DLC1: variants seen among roughly 807,000 people sequenced by gnomAD.
DLC1 encodes the protein DLC1 Rho GTPase activating protein, also known as rho GTPase-activating protein 7.
Under a neutral mutation model 140.3 loss-of-function variants are expected in DLC1, and 54 were observed. The observed-to-expected ratio is 0.38, with a 90% confidence interval of 0.31 to 0.48. The LOEUF (loss-of-function observed/expected upper bound fraction) is 0.48, where lower values mean the gene tolerates loss of function less well. Ranked by LOEUF, DLC1 falls within the 20% of genes least tolerant of loss-of-function variation. DLC1 has a pLI of 0.96. For missense variants in DLC1, 2,536 were observed against 1,907.0 expected, an observed-to-expected ratio of 1.33 and a Z score of -6.14; for synonymous variants, 986 against 728.1, an observed-to-expected ratio of 1.35 and a Z score of -5.70.
At chr8:13,086,259 AC>A in intron 17 of DLC1, 30 bp downstream of exon 17, 1 of 1,601,114 alleles carries the variant, frequency 6.2e-7, no homozygotes. Flanking sequence ...CATGACCCTC[AC>A]CATATAAAAA....
intron 1 of DLC1, among the ~76,000 whole-genome samples, chr8:13,526,036 G>A (rs1802913132): frequency 6.6e-6 from 1 of 152,034 alleles, no homozygotes; most frequent in South Asian, 2.1e-4. Flanking sequence ...TTCTTTTTAA[G>A]TATGGACATG....
At chr8:13,339,790 A>G (rs992286775) in intron 4 of DLC1, 3 of 152,204 alleles carry the variant, frequency 2.0e-5, no homozygotes, top group Non-Finnish European at 2.9e-5. Context: ...GCCTATAGCA[A>G]TTAGATAGTT....
At chr8:13,204,405 T>C (rs1422066535) in intron 5 of DLC1, among the ~76,000 whole-genome samples, 1 of 152,224 alleles carries the variant, frequency 6.6e-6, no homozygotes, top group Non-Finnish European at 1.5e-5. Context: ...TTAAGTACAC[T>C]ATTTCCCTTA....
At chr8:13,260,240 A>C (rs780441461) in intron 5 of DLC1, among the ~76,000 whole-genome samples, 1 of 152,246 alleles carries the variant, frequency 6.6e-6, no homozygotes, top group Non-Finnish European at 1.5e-5. Context: ...TGAAGAGGGC[A>C]GTGGAATGAA....
chr8:13,479,294 A>T (rs980281988), intron 2 of DLC1, among the ~76,000 whole-genome samples: 1 of 152,228 alleles, frequency 6.6e-6, no homozygotes, highest in Non-Finnish European at 1.5e-5. Flanking sequence ...AATAAAATGG[A>T]TATATCTGAA....
intron 3 of DLC1, 124 bp downstream of exon 3, chr8:13,401,346 G>A (rs1409052016): frequency 1.6e-6 from 2 of 1,234,324 alleles, no homozygotes; most frequent in Non-Finnish European, 2.2e-6. Context: ...TATCTTTATG[G>A]TACTGTACTG....
intron 1 of DLC1, among the ~76,000 whole-genome samples, chr8:13,530,924 C>T (rs1803074903): frequency 1.3e-5 from 2 of 152,188 alleles, no homozygotes; most frequent in Admixed American, 6.5e-5. Flanking sequence ...CTGCAAACTT[C>T]ACATGCTGAA....
At chr8:13,453,464 A>G (rs866194530) in intron 2 of DLC1, among the ~76,000 whole-genome samples, 1 of 31,810 alleles carries the variant, frequency 3.1e-5, no homozygotes, top group South Asian at 1.1e-3. Context: ...ATATATGTAT[A>G]TATATACATA....
chr8:13,484,697 A>G (rs954067927), intron 2 of DLC1, among the ~76,000 whole-genome samples: 3 of 152,064 alleles, frequency 2.0e-5, no homozygotes, highest in Non-Finnish European at 4.4e-5. Flanking sequence ...CAGAGTGGCA[A>G]TGAAATTCTG....
At chr8:13,328,735 A>G (rs981001523) in intron 4 of DLC1, among the ~76,000 whole-genome samples, 1 of 152,130 alleles carries the variant, frequency 6.6e-6, no homozygotes, top group African/African-American at 2.4e-5. Flanking sequence ...CAAGGGCCCA[A>G]TTCAGGAGGA....
intron 4 of DLC1, chr8:13,342,880 T>A (rs1834140664): frequency 6.6e-6 from 1 of 151,872 alleles, no homozygotes; most frequent in Non-Finnish European, 1.5e-5. Context: ...CATATCCATT[T>A]GTTTTGTTTC....
At position 13,595,651 on chromosome 8, in the gene DLC1, G is replaced by T. The variant is rs546542321; in HGVS notation, c.-126+8886C>A. On this transcript the variant is annotated intron_variant, in intron 1 of 1. Coordinates refer to the DLC1 transcript ENST00000631382. ...TTGAGTCTGGGTGAAAGATATGCTG[G>T]TAACTACTAGAGATACATATTTAAA... 7.9e-4 allele frequency among the ~76,000 whole-genome samples: 120 copies of T among 152,066 alleles called. 1 individual carries two copies. The highest frequency in any genetic ancestry group is 2.8e-3 in the African/African-American group (118 of 41,512).
chr8:13,506,775 T>G (rs543568014), intron 1 of DLC1, among the ~76,000 whole-genome samples: 1 of 151,764 alleles, frequency 6.6e-6, no homozygotes, highest in Non-Finnish European at 1.5e-5. Context: ...TCATGTTAAT[T>G]AAACGCAACT....
chr8:13,415,090 G>A (rs1266456046), intron 2 of DLC1, among the ~76,000 whole-genome samples: 1 of 152,116 alleles, frequency 6.6e-6, no homozygotes, highest in African/African-American at 2.4e-5. Context: ...GGGATTATGG[G>A]CGTGAGCCAC....
chr8:13,283,119 A>G (rs907218351), intron 5 of DLC1, among the ~76,000 whole-genome samples: 1 of 152,192 alleles, frequency 6.6e-6, no homozygotes, highest in Non-Finnish European at 1.5e-5. Flanking sequence ...CCAAACAGGA[A>G]CCCAAATATT....
intron 5 of DLC1, among the ~76,000 whole-genome samples, chr8:13,177,842 T>G (rs191817833): frequency 6.6e-6 from 1 of 152,308 alleles, no homozygotes; most frequent in African/African-American, 2.4e-5. Flanking sequence ...ATTTAATATT[T>G]GGATAATAGA....
chr8:13,115,440 T>G (rs1820466529), intron 6 of DLC1, 146 bp downstream of exon 6: 1 of 724,698 alleles, frequency 1.4e-6, no homozygotes, highest in Non-Finnish European at 2.1e-6. Context: ...TTTTCAGCGG[T>G]GGGGGTCTTG....
At chr8:13,463,828 C>T (rs1441252212) in intron 2 of DLC1, among the ~76,000 whole-genome samples, 2 of 151,930 alleles carry the variant, frequency 1.3e-5, no homozygotes, top group East Asian at 1.9e-4. Context: ...GAAAGAGGAC[C>T]ATCTGGGGAG....
chr8:13,435,980 G>T (rs1839106714), intron 2 of DLC1, among the ~76,000 whole-genome samples: 1 of 152,204 alleles, frequency 6.6e-6, no homozygotes, highest in Non-Finnish European at 1.5e-5. Flanking sequence ...TTGAGCTGCT[G>T]AAAGTTCAGA....
Sources: gnomAD v4.1 joint callset for allele counts (sites outside exome capture counted in the v4.1 genomes callset) on GRCh38, gnomAD v4.1.1 for gene constraint, MANE v1.5 for transcripts, NCBI Gene and HGNC (gene_info 2026-07-23, HGNC 2026-07-21) for gene names.